The following RBFOX1 variants were observed in gnomAD, a reference collection of about 807,000 sequenced individuals.
The protein encoded by RBFOX1 is RNA binding protein fox-1 homolog 1.
A neutral mutation model predicts 57.7 loss-of-function variants in RBFOX1; 8 were observed. The observed-to-expected ratio is 0.14, with a 90% confidence interval of 0.08 to 0.25. RBFOX1 has a LOEUF of 0.25. Ranked by LOEUF, RBFOX1 falls within the 10% of genes least tolerant of loss-of-function variation. The probability of loss-of-function intolerance (pLI) is 1.00; values close to 1 mark genes in which losing one functional copy is unlikely to be tolerated. For synonymous variants in RBFOX1, 326 were observed against 222.4 expected (o/e 1.47, Z -4.15); for missense variants, 611 against 548.5 (o/e 1.11, Z -1.14).
In RBFOX1 at chr16:6,687,987, G is replaced by A. The variant is rs146583287; in HGVS notation, c.-16+33337G>A. ...GACACATGCTAACAAAACCACTCTT[G>A]GAAACATCTTCTATGCCAAGCACTG... On this transcript the variant is annotated intron_variant, in intron 3 of 15. Coordinates refer to ENST00000550418, the MANE Select transcript of RBFOX1 (RefSeq NM_018723.4). Among the ~76,000 whole-genome samples the A allele has an allele frequency of 1.5e-3, 234 of 152,254 alleles. 3 individuals are homozygous for A. Among genetic ancestry groups the A allele is most frequent in the African/African-American group, 5.2e-3 (218 of 41,534 alleles).
chr16:7,496,666 C>G (rs2068741212), intron 4 of RBFOX1, among the ~76,000 whole-genome samples: 1 of 143,748 alleles, frequency 7.0e-6, no homozygotes, highest in Non-Finnish European at 1.5e-5. Context: ...TATTTACATT[C>G]CAACAATGTA....
intron 4 of RBFOX1, among the ~76,000 whole-genome samples, chr16:7,484,019 C>G (rs146320955): frequency 3.9e-5 from 6 of 152,128 alleles, no homozygotes; most frequent in African/African-American, 1.4e-4. Flanking sequence ...ATTCCCTAAC[C>G]CCTGGCAAGT....
intron 3 of RBFOX1, among the ~76,000 whole-genome samples, chr16:6,951,101 C>T (rs1467838164): frequency 6.6e-6 from 1 of 151,984 alleles, no homozygotes; most frequent in Non-Finnish European, 1.5e-5. Flanking sequence ...GAGACAGGGA[C>T]TCCCTATGTT....
At chr16:6,158,868 C>G (rs1352999886) in intron 1 of RBFOX1, among the ~76,000 whole-genome samples, 1 of 151,342 alleles carries the variant, frequency 6.6e-6, no homozygotes, top group African/African-American at 2.4e-5. Context: ...AGTTGGTTTT[C>G]TAGCTTTTTC....
intron 4 of RBFOX1, among the ~76,000 whole-genome samples, chr16:7,371,899 G>C (rs1373453978): frequency 6.6e-6 from 1 of 152,100 alleles, no homozygotes; most frequent in Non-Finnish European, 1.5e-5. Flanking sequence ...ATATGCCATG[G>C]AGCCTCCTTC....
intron 2 of RBFOX1, among the ~76,000 whole-genome samples, chr16:6,405,598 T>G (rs1300628585): frequency 6.6e-6 from 1 of 151,894 alleles, no homozygotes; most frequent in African/African-American, 2.4e-5. Flanking sequence ...CCTAACAAGG[T>G]GGAATGAGAA....
chr16:6,378,144 T>C (rs2091406582), intron 2 of RBFOX1, among the ~76,000 whole-genome samples: 1 of 152,238 alleles, frequency 6.6e-6, no homozygotes, highest in Non-Finnish European at 1.5e-5. Context: ...GAGGCTCAGC[T>C]ACCAGAGCTT....
rs56826567 is a variant in RBFOX1 at position 5,801,341 on chromosome 16, CT to C, written c.319-65948del. 1.1e-3 allele frequency among the ~76,000 whole-genome samples: 154 copies of C among 143,326 alleles called. 2 individuals carry two copies. Among genetic ancestry groups the C allele is most frequent in the South Asian group, 3.9e-3 (18 of 4,604 alleles). 94.0% of individuals were successfully genotyped at this position (143,326 alleles called of 152,430 possible). On this transcript the variant is annotated intron_variant, in intron 3 of 19. Transcript: ENST00000641259. Reference sequence around the variant, plus strand: ...TCTGCCTCTCTCTCCCTCCCTCTCTCTTTTTTTTTTTTTTCAATTTGAGTTT... The same window carrying C: ...TCTGCCTCTCTCTCCCTCCCTCTCTCTTTTTTTTTTTTTCAATTTGAGTTT...
intron 3 of RBFOX1, among the ~76,000 whole-genome samples, chr16:6,779,821 ATATATATTTT>A: frequency 1.1e-4 from 3 of 26,434 alleles, no homozygotes; most frequent in African/African-American, 6.2e-4. Flanking sequence ...ATATATATTT[ATATATATTTT>A]TATATATTTA....
chr16:7,628,370 G>A (rs2060406403), intron 10 of RBFOX1, among the ~76,000 whole-genome samples: 1 of 152,106 alleles, frequency 6.6e-6, no homozygotes, highest in African/African-American at 2.4e-5. Flanking sequence ...TTCTAGCAGT[G>A]AGCAGAAGCA....
chr16:7,455,463 G>C lies in RBFOX1; in HGVS notation c.28-62684G>C, dbSNP rs2058308943. 2.0e-5 allele frequency among the ~76,000 whole-genome samples: 3 copies of C among 152,214 alleles called. No homozygotes were observed. The South Asian group carries it at 6.2e-4, about 32-fold the overall frequency. On this transcript the variant is annotated intron_variant, in intron 4 of 15. Coordinates refer to ENST00000550418, the MANE Select transcript of RBFOX1 (RefSeq NM_018723.4). Reference sequence around the variant, plus strand: ...CAAGAAAATATTAAATATTTACATAGATATGGACATTTTGTGGGGATAATA... The same window carrying C: ...CAAGAAAATATTAAATATTTACATACATATGGACATTTTGTGGGGATAATA...
intron 1 of RBFOX1, among the ~76,000 whole-genome samples, chr16:6,142,950 G>T (rs1453256271): frequency 6.6e-6 from 1 of 152,158 alleles, no homozygotes; most frequent in African/African-American, 2.4e-5. Flanking sequence ...TCCTGAAGCA[G>T]TTTTTAGTTT....
At chr16:6,033,609 C>A (rs12918809) in intron 1 of RBFOX1, among the ~76,000 whole-genome samples, 27,163 of 152,124 alleles carry the variant, frequency 0.18, 2,856 homozygotes, top group South Asian at 0.25. Flanking sequence ...TGTGTGCACA[C>A]GCACGTGTAT....
In RBFOX1 at chr16:7,254,952, C is replaced by G. The variant is rs555871987; in HGVS notation, c.27+202854C>G. ...AATTTCAATTCACTCATTAATGGCT[C>G]AACCGTTAATAAGAAGGTGTTTTCC... On this transcript the variant is annotated intron_variant, in intron 4 of 15. Coordinates refer to ENST00000550418, the MANE Select transcript of RBFOX1 (RefSeq NM_018723.4). Among the ~76,000 whole-genome samples, 239 of 152,216 alleles carry G rather than the reference C, an allele frequency of 1.6e-3. 3 individuals are homozygous for G. The highest frequency in any genetic ancestry group is 5.7e-3 in the African/African-American group (238 of 41,534).
At chr16:5,975,617 C>G (rs954545263) in intron 4 of RBFOX1, among the ~76,000 whole-genome samples, 1 of 152,104 alleles carries the variant, frequency 6.6e-6, no homozygotes, top group Non-Finnish European at 1.5e-5. Flanking sequence ...CAGAAAGTTA[C>G]TTTATCTGTG....
At chr16:7,253,793 G>A (rs950587065) in intron 4 of RBFOX1, among the ~76,000 whole-genome samples, 1 of 152,096 alleles carries the variant, frequency 6.6e-6, no homozygotes, top group Non-Finnish European at 1.5e-5. Flanking sequence ...GTTCATGATG[G>A]GAAGGAATCT....
chr16:6,424,606 T>TGTGTGTGTGTGC (rs1173293155), intron 2 of RBFOX1, among the ~76,000 whole-genome samples: 4 of 100,124 alleles, frequency 4.0e-5, no homozygotes, highest in Non-Finnish European at 7.8e-5. Flanking sequence ...TTAAGAGCAC[T>TGTGTGTGTGTGC]GTGTGTGTGT....
At position 6,534,014 on chromosome 16, in the gene RBFOX1, C is replaced by T. The variant is rs184965114; in HGVS notation, c.-63-120589C>T. Among the ~76,000 whole-genome samples, 327 of 152,130 alleles carry T rather than the reference C, an allele frequency of 2.1e-3. 3 individuals are homozygous for T. Among genetic ancestry groups the T allele is most frequent in the Non-Finnish European group, 2.4e-3 (166 of 68,006 alleles). ...ACACACACATACACACATATACATA[C>T]ATACACAAAGAGCTGTGGCTCTGGA... On this transcript the variant is annotated intron_variant, in intron 2 of 15. Transcript: ENST00000550418.
intron 2 of RBFOX1, chr16:6,483,129 C>A: frequency 1.9e-6 from 2 of 1,044,342 alleles, no homozygotes; most frequent in Non-Finnish European, 2.3e-6. Context: ...CCACTGCCTT[C>A]CCCCAGCTGC....
Sources: allele counts gnomAD v4.1 joint callset (sites outside exome capture counted in the v4.1 genomes callset), GRCh38; gene constraint gnomAD v4.1.1; transcripts MANE v1.5; gene names NCBI Gene and HGNC (gene_info 2026-07-23, HGNC 2026-07-21).